KMT2D: variants seen among roughly 807,000 people sequenced by gnomAD.
KMT2D encodes the protein lysine methyltransferase 2D.
A neutral mutation model predicts 512.7 loss-of-function variants in KMT2D; 55 were observed. The observed-to-expected ratio is 0.11, with a 90% confidence interval of 0.09 to 0.13. The LOEUF is 0.13. Ranked by LOEUF, KMT2D falls within the 10% of genes least tolerant of loss-of-function variation. The pLI, the probability that KMT2D is intolerant of heterozygous loss-of-function variation, is 1.00. For missense variants in KMT2D, 6,061 were observed against 7,127.9 expected, an observed-to-expected ratio of 0.85 and a Z score of 5.39; for synonymous variants, 2,995 against 2,904.0, an observed-to-expected ratio of 1.03 and a Z score of -1.01.
rs1943589305 is a variant in KMT2D, at chr12:49,042,532, G to A, written c.5867+29C>T. ...ATGGAGGGAAAGGACAACGAGGACTGCCCACAAAGGTTACGCAGAGACACC... is the reference window on the plus strand; with the variant it reads ...ATGGAGGGAAAGGACAACGAGGACTACCCACAAAGGTTACGCAGAGACACC... On this transcript the variant is annotated intron_variant, in intron 28 of 54. Transcript: ENST00000301067. The surrounding 1 kb of genome is among the most constrained non-coding windows in gnomAD (Gnocchi z 4.4). The A allele has an allele frequency of 6.2e-7, 1 of 1,607,332 alleles. No individual in the cohort carries two copies. Among genetic ancestry groups the A allele is most frequent in the Non-Finnish European group, 8.5e-7 (1 of 1,174,882 alleles).
rs1943372362 is a variant in KMT2D at position 49,039,276 on chromosome 12, C to G, written c.8312G>C (p.Arg2771Pro). ...GGCTGGTGGAGGTGGCCGGGAGAGT[C>G]GGTCATCGCTAGGGAAGGACCCTGG... ...LGPGSFPSDD[R>P]LSRPPPPATP... The change falls in exon 34 of 55, where the codon CGA becomes CCA. Residue 2771 changes from arginine (R) to proline (P), a missense_variant. This residue lies in a region of KMT2D where 527 missense variants were observed against 578.9 expected (regional missense o/e 0.91). Transcript: ENST00000301067. The surrounding 1 kb of genome is among the most constrained non-coding windows in gnomAD (Gnocchi z 5.0). 6.2e-7 allele frequency: 1 copy of G among 1,613,542 alleles called. No individual in the cohort carries two copies. Among genetic ancestry groups the G allele is most frequent in the East Asian group, 2.2e-5 (1 of 44,894 alleles).
At position 49,029,044 on chromosome 12, in the gene KMT2D, T is replaced by A. The variant is rs2120390279; in HGVS notation, c.14251+17A>T. On this transcript the variant is annotated intron_variant, in intron 45 of 54. Coordinates refer to ENST00000301067, the MANE Select transcript of KMT2D (RefSeq NM_003482.4). ...CCAGGTGAACTGGGCCTGGCCCACATCCAGAGTAGCACATACCTGGGATGC... is the reference window on the plus strand; with the variant it reads ...CCAGGTGAACTGGGCCTGGCCCACAACCAGAGTAGCACATACCTGGGATGC... The A allele has an allele frequency of 6.2e-7, 1 of 1,603,822 alleles. No individual in the cohort carries two copies. The highest frequency in any genetic ancestry group is 8.5e-7 in the Non-Finnish European group (1 of 1,173,618).
rs201994402 is a variant in KMT2D, at chr12:49,053,633, G to C, written c.682C>G (p.Arg228Gly). ...SEGAAYLEEA[R>G]CAVCEGPGEL... ...CCTGGCCCCTCACACACTGCACAGC[G>C]AGCCTCCTCTGCAGGGGGTAGAGAC... The change falls in exon 7 of 55, where the codon CGC (arginine) becomes GGC (glycine). Residue 228 changes from arginine (R) to glycine (G), a missense_variant. Arg to Gly is a moderately radical substitution (Grantham distance 125, BLOSUM62 -2). Transcript: ENST00000301067. The C allele has an allele frequency of 2.1e-4, 342 of 1,593,394 alleles. 2 individuals carry two copies. The highest frequency in any genetic ancestry group is 3.5e-5 in the Admixed American group (2 of 56,830).
Position 49,053,044 on chromosome 12 carries a change from GC to G in KMT2D, c.982del (p.Ala328ArgfsTer6). The G allele has an allele frequency of 6.2e-7, 1 of 1,614,048 alleles. No individual in the cohort carries two copies. ...KACRVCRACG[A>X]GSAELNPNSE... is the part of the protein sequence containing the mutation. ...GTTGGGATTCAGTTCTGCTGAGCCC[GC>G]CCCACAGGCCCGGCACACCCGGCAC... On this transcript the variant is annotated frameshift_variant, in exon 9 of 55. Transcript: ENST00000301067. LOFTEE classifies it high-confidence loss of function.
intron 10 of KMT2D, 37 bp downstream of exon 10, chr12:49,052,527 A>G (rs2120688876): frequency 6.2e-7 from 1 of 1,605,870 alleles, no homozygotes; most frequent in Non-Finnish European, 8.5e-7. Flanking sequence ...ATAGAATAAA[A>G]GGGGATGAAT....
intron 19 of KMT2D, among the ~76,000 whole-genome samples, chr12:49,045,488 CA>C (rs1943740453): frequency 6.6e-6 from 1 of 151,858 alleles, no homozygotes; most frequent in South Asian, 2.1e-4. Flanking sequence ...CTAAAAAATA[CA>C]AAAAATTAGC....
intron 13 of KMT2D, 49 bp from the exon 14 acceptor site, chr12:49,048,818 C>T (rs1234082846): frequency 1.6e-6 from 2 of 1,254,742 alleles, no homozygotes; most frequent in East Asian, 2.3e-5. Context: ...TCTGCCCCCA[C>T]CAAGCTACTT....
Position 49,032,098 on chromosome 12 carries a change from C to G in KMT2D, c.12607G>C (p.Gly4203Arg), listed in dbSNP as rs764144293. The change falls in exon 40 of 55, where the codon GGA becomes CGA. Residue 4203 changes from glycine to arginine, a missense_variant. Gly to Arg is a moderately radical substitution (Grantham distance 125). Transcript: ENST00000301067. ...TVGQLRAQLQ[G>R]VLAKNPQLRH... ...AGCTGTGGGTTTTTGGCCAGGACTC[C>G]TTGGAGCTGTGCTCGAAGCTGACCC... 3.7e-6 allele frequency: 6 copies of G among 1,613,838 alleles called. No individual in the cohort carries two copies. Among genetic ancestry groups the G allele is most frequent in the Non-Finnish European group, 4.2e-6 (5 of 1,179,840 alleles).
In KMT2D at chr12:49,037,934, A is replaced by G. The variant is rs1943303738; in HGVS notation, c.9422T>C (p.Val3141Ala). The G allele has an allele frequency of 6.2e-7, 1 of 1,604,382 alleles. No individual in the cohort carries two copies. The highest frequency in any genetic ancestry group is 1.1e-5 in the South Asian group (1 of 89,550). Residue 3141 changes from valine (V) to alanine (A), a missense_variant, in exon 35 of 55, where the codon GTA (valine) becomes GCA (alanine). Physicochemically the swap from Val to Ala is moderately conservative, Grantham distance 64. This residue lies in a region of KMT2D where 533 missense variants were observed against 539.6 expected (regional missense o/e 0.99). Transcript: ENST00000301067. ...GGAATTGGCAGCAGGTGCGGGCTCT[A>G]CCTTGGGGGTAGCAATGGTGAATTG... ...PCQFTIATPK[V>A]EPAPAANSLG...
At chr12:49,034,010 C>G in intron 39 of KMT2D, 46 bp from the exon 40 acceptor site, 1 of 1,567,036 alleles carries the variant, frequency 6.4e-7, no homozygotes, top group Non-Finnish European at 8.6e-7. Flanking sequence ...ATGCTCCCCC[C>G]ATGCCAACCC....
chr12:49,045,853 TTGG>T, intron 19 of KMT2D, 64 bp downstream of exon 19: 4 of 1,291,286 alleles, frequency 3.1e-6, no homozygotes, highest in African/African-American at 1.5e-5. Context: ...AGCTAGGGGG[TTGG>T]AGCTAGACTA....
chr12:49,039,200 A>G lies in KMT2D; in HGVS notation c.8366+22T>C, dbSNP rs1328590726. ...AATCCATCCCCCTTGGTTTACCCCC[A>G]GGGAACCTCCTGGAGCCTCACCGGC... is the stretch of plus-strand genomic sequence containing the variant. On this transcript the variant is annotated intron_variant, in intron 34 of 54. Coordinates refer to ENST00000301067, the MANE Select transcript of KMT2D (RefSeq NM_003482.4). The surrounding 1 kb of genome is among the most constrained non-coding windows in gnomAD (Gnocchi z 5.0). The G allele has an allele frequency of 1.9e-6, 3 of 1,612,648 alleles. No homozygotes were observed. The highest frequency in any genetic ancestry group is 2.5e-6 in the Non-Finnish European group (3 of 1,179,414).
Position 49,052,042 on chromosome 12 carries a change from T to C in KMT2D, c.1641A>G (p.Pro547=), listed in dbSNP as rs1938085763. 6.2e-7 allele frequency: 1 copy of C among 1,606,990 alleles called. No individual in the cohort carries two copies. Among genetic ancestry groups the C allele is most frequent in the Non-Finnish European group, 8.5e-7 (1 of 1,178,114 alleles). The change falls in exon 11 of 55, where the codon CCA becomes CCG. Residue 547 remains proline, a synonymous_variant. Transcript: ENST00000301067. ...GGGACAAAGGAGATTCTTCAAATGG[T>C]GGGGACAGGGGCGATGCTTCAGGTG... ...SPPPEASPLS[P]PFEESPLSPP... is the part of the protein sequence containing the mutation.
At position 49,044,466 on chromosome 12, in the gene KMT2D, C is replaced by A. The variant is rs1035856371; in HGVS notation, c.5020G>T (p.Val1674Leu). The change falls in exon 21 of 55, where the codon GTG becomes TTG. Residue 1674 changes from valine to leucine, a missense_variant. Coordinates refer to ENST00000301067, the MANE Select transcript of KMT2D (RefSeq NM_003482.4). The surrounding 1 kb of genome is among the most constrained non-coding windows in gnomAD (Gnocchi z 6.4). ...TCGGTCTCCTCTTTGCCAGGCTCCA[C>A]ATCAGGGCTGACGGGGCCCTCCAGT... Reference protein sequence around the residue: ...IKLEGPVSPDVEPGKEETEES... With the variant: ...IKLEGPVSPDLEPGKEETEES... The A allele has an allele frequency of 1.2e-6, 2 of 1,613,910 alleles. No individual in the cohort carries two copies. Among genetic ancestry groups the A allele is most frequent in the African/African-American group, 2.7e-5 (2 of 74,924 alleles).
intron 1 of KMT2D, among the ~76,000 whole-genome samples, chr12:49,056,596 A>G (rs557172928): frequency 6.6e-6 from 1 of 152,340 alleles, no homozygotes; most frequent in South Asian, 2.1e-4. Flanking sequence ...CAGTGTTCCT[A>G]GAGAAAGTGG....
rs377457393 is a variant in KMT2D at position 49,044,842 on chromosome 12, C to G, written c.4865G>C (p.Gly1622Ala). Residue 1622 changes from glycine (G) to alanine (A), a missense_variant, in exon 20 of 55, where the codon GGC becomes GCC. Transcript: ENST00000301067. The surrounding 1 kb of genome is among the most constrained non-coding windows in gnomAD (Gnocchi z 6.4). ...RQRRGRLGLPGEAGLEGSEPS... is the reference protein window; with the variant it reads ...RQRRGRLGLPAEAGLEGSEPS... ...CTCAGAACCCTCCAATCCTGCCTCGCCTGGGAGGCCAAGCCGTCCTCGCCG... is the reference window on the plus strand; with the variant it reads ...CTCAGAACCCTCCAATCCTGCCTCGGCTGGGAGGCCAAGCCGTCCTCGCCG... 1.0e-4 allele frequency: 161 copies of G among 1,613,956 alleles called. No homozygotes were observed. Among genetic ancestry groups the G allele is most frequent in the Non-Finnish European group, 1.3e-4 (152 of 1,179,908 alleles).
In KMT2D at chr12:49,045,930, C is replaced by T. The variant is rs763347281; in HGVS notation, c.4731G>A (p.Val1577=). 9 of 1,613,788 alleles carry T rather than the reference C, an allele frequency of 5.6e-6. No homozygotes were observed. The highest frequency in any genetic ancestry group is 1.7e-5 in the Admixed American group (1 of 60,006). The change falls in exon 19 of 55, where the codon GTG becomes GTA. Residue 1577 remains valine, a synonymous_variant. Coordinates refer to ENST00000301067, the MANE Select transcript of KMT2D (RefSeq NM_003482.4). ...ATTTCTGTGACTCACCTGGCTCTTT[C>T]ACCTTCATGGGCACCAGCTCTGGAG... is the stretch of plus-strand genomic sequence containing the variant. ...VAPPELVPMK[V]KEPEPQYFRF...
Position 49,050,963 on chromosome 12 carries a change from G to A in KMT2D, c.2720C>T (p.Pro907Leu), listed in dbSNP as rs1937940966. 1 of 1,559,718 alleles carries A rather than the reference G, an allele frequency of 6.4e-7. No individual in the cohort carries two copies. The highest frequency in any genetic ancestry group is 1.4e-5 in the African/African-American group (1 of 73,078). Residue 907 changes from proline to leucine, a missense_variant, in exon 11 of 55, where the codon CCT becomes CTT. Transcript: ENST00000301067. ...CAGCTCCTCGGGCAGAGGGGACAGA[G>A]GTGGTTCCCCAGGCTCAGACAGGGC... ...EPALSEPGEPPLSPLPEELPL... is the reference protein window; with the variant it reads ...EPALSEPGEPLLSPLPEELPL...
At position 49,041,999 on chromosome 12, in the gene KMT2D, C is replaced by T. The variant is rs1242516702; in HGVS notation, c.6110-9G>A. ...GCAACGGCTTGACCAGTCTGGAGGGCAGAGAGAGTGAGTCAGAGAAGACTT... is the reference window on the plus strand; with the variant it reads ...GCAACGGCTTGACCAGTCTGGAGGGTAGAGAGAGTGAGTCAGAGAAGACTT... On this transcript the variant is annotated splice_polypyrimidine_tract_variant and intron_variant, in intron 29 of 54. Coordinates refer to ENST00000301067, the MANE Select transcript of KMT2D (RefSeq NM_003482.4). This position sits in a 1 kb window ranked among gnomAD's most constrained non-coding sequence, Gnocchi z 5.4. 1 of 1,612,270 alleles carries T rather than the reference C, an allele frequency of 6.2e-7. No individual in the cohort carries two copies. The highest frequency in any genetic ancestry group is 2.2e-5 in the East Asian group (1 of 44,852).
Sources: allele counts gnomAD v4.1 joint callset (sites outside exome capture counted in the v4.1 genomes callset), GRCh38; gene constraint gnomAD v4.1.1; regional missense constraint gnomAD v4.1.1; non-coding constraint Gnocchi (gnomAD v3.1); transcripts MANE v1.5; gene names NCBI Gene and HGNC (gene_info 2026-07-23, HGNC 2026-07-21).